XKR6: variants seen among roughly 807,000 people sequenced by gnomAD.
The protein encoded by XKR6 is XK related 6.
In XKR6, 22 loss-of-function variants were observed where a neutral mutation model predicts 56.7. That is an observed-to-expected ratio of 0.39 (90% CI 0.28 to 0.55). The LOEUF (loss-of-function observed/expected upper bound fraction) is 0.55, where lower values mean the gene tolerates loss of function less well. Ranked by LOEUF, XKR6 falls within the 20% of genes least tolerant of loss-of-function variation. The pLI, the probability that XKR6 is intolerant of heterozygous loss-of-function variation, is 0.66. For missense variants in XKR6, 852 were observed against 889.0 expected, an observed-to-expected ratio of 0.96 and a Z score of 0.53; for synonymous variants, 524 against 387.8, an observed-to-expected ratio of 1.35 and a Z score of -4.13.
chr8:11,114,725 A>ATGTGTGTGTGTGTG (rs1491486493), intron 1 of XKR6, among the ~76,000 whole-genome samples: 3 of 77,628 alleles, frequency 3.9e-5, no homozygotes, highest in African/African-American at 1.7e-4. Flanking sequence ...CTTAGATCAC[A>ATGTGTGTGTGTGTG]TATGTGTGTG....
intron 1 of XKR6, among the ~76,000 whole-genome samples, chr8:11,145,784 G>C (rs1466044583): frequency 1.3e-5 from 2 of 152,054 alleles, no homozygotes; most frequent in Non-Finnish European, 2.9e-5. Context: ...TTCCAAAACT[G>C]ATCTGCTAAC....
chr8:10,990,162 G>C (rs942784561), intron 1 of XKR6, among the ~76,000 whole-genome samples: 2 of 152,220 alleles, frequency 1.3e-5, no homozygotes, highest in African/African-American at 4.8e-5. Context: ...TCAGGTATTT[G>C]AATGAGTAGA....
intron 1 of XKR6, among the ~76,000 whole-genome samples, chr8:11,061,986 A>G (rs1313367070): frequency 1.3e-5 from 2 of 152,228 alleles, no homozygotes; most frequent in Non-Finnish European, 2.9e-5. Flanking sequence ...CAAGAATTCT[A>G]ACAGGGTGAA....
intron 1 of XKR6, among the ~76,000 whole-genome samples, chr8:10,955,877 T>G (rs1248901822): frequency 6.6e-6 from 1 of 152,232 alleles, no homozygotes; most frequent in African/African-American, 2.4e-5. Context: ...TTCAATGTCA[T>G]GTTGCCTTGA....
chr8:11,082,326 G>T (rs530927128), intron 1 of XKR6, among the ~76,000 whole-genome samples: 2 of 152,200 alleles, frequency 1.3e-5, no homozygotes, highest in Non-Finnish European at 2.9e-5. Flanking sequence ...TTTGCACCCC[G>T]TTACGAATGT....
rs1383789065 is a variant in XKR6 at position 11,200,981 on chromosome 8, G to A, written c.359C>T (p.Pro120Leu). ...PSAARPEPPP[P>L]QVERPWLDCL... is the part of the protein sequence containing the mutation. ...GTCGAGCCACGGCCGCTCCACCTGC[G>A]GCGGCGGCGGCTCCGGCCGCGCGGC... Residue 120 changes from proline (P) to leucine (L), a missense_variant, in exon 1 of 3, where the codon CCG (proline) becomes CTG (leucine). Transcript: ENST00000416569. This position sits in a 1 kb window ranked among gnomAD's most constrained non-coding sequence, Gnocchi z 6.4. 5 of 1,471,980 alleles carry A rather than the reference G, an allele frequency of 3.4e-6. No individual in the cohort carries two copies. Among genetic ancestry groups the A allele is most frequent in the South Asian group, 2.8e-5 (2 of 71,710 alleles). 91.2% of individuals were successfully genotyped at this position (1,471,980 alleles called of 1,614,324 possible).
chr8:10,933,719 G>A lies in XKR6; in HGVS notation c.765-8889C>T, dbSNP rs758359560. ...GATCAGATAGTTGTAGGTAAGCGGC[G>A]TTATTTCTGAGGGCTCTATTCTGTT... On this transcript the variant is annotated intron_variant, in intron 1 of 2. Coordinates refer to ENST00000416569, the MANE Select transcript of XKR6 (RefSeq NM_173683.4). Among the ~76,000 whole-genome samples the A allele has an allele frequency of 2.8e-3, 427 of 149,894 alleles. 2 individuals are homozygous for A. Among genetic ancestry groups the A allele is most frequent in the South Asian group, 0.02 (94 of 4,678 alleles).
At chr8:11,072,428 T>C (rs1800156603) in intron 1 of XKR6, among the ~76,000 whole-genome samples, 1 of 152,140 alleles carries the variant, frequency 6.6e-6, no homozygotes, top group South Asian at 2.1e-4. Flanking sequence ...CCACCCCCTC[T>C]CTGTTTTGGT....
intron 1 of XKR6, among the ~76,000 whole-genome samples, chr8:11,072,030 G>T (rs1382447148): frequency 6.6e-6 from 1 of 152,124 alleles, no homozygotes; most frequent in East Asian, 1.9e-4. Context: ...AACACAATGT[G>T]TCCAAAAGCC....
chr8:11,106,345 T>G (rs1230905280), intron 1 of XKR6: 1 of 152,244 alleles, frequency 6.6e-6, no homozygotes, highest in Middle Eastern at 3.4e-3. Context: ...AACTACCTCC[T>G]TAACTCAGAA....
At chr8:11,124,260 CTG>C (rs1183793209) in intron 1 of XKR6, 9 of 345,808 alleles carry the variant, frequency 2.6e-5, no homozygotes, top group Non-Finnish European at 5.1e-5. Flanking sequence ...TGAAACCCCT[CTG>C]TTAGGCAAAA....
At chr8:11,048,071 T>C (rs570837621) in intron 1 of XKR6, among the ~76,000 whole-genome samples, 1 of 152,132 alleles carries the variant, frequency 6.6e-6, no homozygotes, top group Non-Finnish European at 1.5e-5. Context: ...CCCAGAGTGA[T>C]AACAAGGGGA....
chr8:10,944,258 A>G (rs1801468708), intron 1 of XKR6, among the ~76,000 whole-genome samples: 1 of 152,250 alleles, frequency 6.6e-6, no homozygotes. Flanking sequence ...TCCCAAAGGT[A>G]GATGACAAGG....
intron 1 of XKR6, among the ~76,000 whole-genome samples, chr8:10,981,361 G>C (rs903933277): frequency 2.6e-5 from 4 of 152,266 alleles, no homozygotes; most frequent in African/African-American, 9.6e-5. Flanking sequence ...GCCCATGGAG[G>C]CCTCACCAGA....
At chr8:11,121,356 C>A (rs745560258) in intron 1 of XKR6, among the ~76,000 whole-genome samples, 5 of 152,118 alleles carry the variant, frequency 3.3e-5, no homozygotes, top group Non-Finnish European at 5.9e-5. Context: ...AAACAAACAA[C>A]CCCATCAAAA....
At chr8:10,966,043 T>TCCAGGTA (rs1371878567) in intron 1 of XKR6, among the ~76,000 whole-genome samples, 2 of 152,168 alleles carry the variant, frequency 1.3e-5, no homozygotes, top group African/African-American at 4.8e-5. Context: ...GCAGCGGTTC[T>TCCAGGTA]CAAACCTCGG....
chr8:11,056,099 G>A (rs11775350), intron 1 of XKR6, among the ~76,000 whole-genome samples: 117,256 of 151,932 alleles, frequency 0.77, 45,540 homozygotes, highest in African/African-American at 0.85. Context: ...ACGACGTCCC[G>A]ACTCCTCCTG....
At position 10,898,530 on chromosome 8, in the gene XKR6, A is replaced by G. The variant is rs752333604; in HGVS notation, c.1348T>C (p.Leu450=). The change falls in exon 3 of 3, where the codon TTG becomes CTG. Residue 450 remains leucine (L), a synonymous_variant. Coordinates refer to ENST00000416569, the MANE Select transcript of XKR6 (RefSeq NM_173683.4). The surrounding 1 kb of genome is among the most constrained non-coding windows in gnomAD (Gnocchi z 6.6). ...YRMFAYYTIV[L]TENAALTFLW... is the part of the protein sequence containing the mutation. ...AACGTCAAGGCAGCATTCTCGGTCAAGACTATCGTATAATATGCAAACATT... is the reference window on the plus strand; with the variant it reads ...AACGTCAAGGCAGCATTCTCGGTCAGGACTATCGTATAATATGCAAACATT... The G allele has an allele frequency of 1.1e-5, 17 of 1,614,044 alleles. No individual in the cohort carries two copies. The South Asian group carries it at 1.5e-4, about 15-fold the overall frequency.
intron 1 of XKR6, among the ~76,000 whole-genome samples, chr8:11,047,151 A>G (rs879038660): frequency 6.6e-6 from 1 of 152,202 alleles, no homozygotes; most frequent in Admixed American, 6.5e-5. Flanking sequence ...AAATATTCTC[A>G]CAGCAAGAAA....
Sources: allele counts gnomAD v4.1 joint callset (sites outside exome capture counted in the v4.1 genomes callset), GRCh38; gene constraint gnomAD v4.1.1; non-coding constraint Gnocchi (gnomAD v3.1); transcripts MANE v1.5; gene names NCBI Gene and HGNC (gene_info 2026-07-23, HGNC 2026-07-21).